The following ZNF48 variants were observed in gnomAD, a reference collection of about 807,000 sequenced individuals.
ZNF48 encodes the protein zinc finger protein 553.
A neutral mutation model predicts 40.0 loss-of-function variants in ZNF48; 20 were observed. That is an observed-to-expected ratio of 0.50 (90% confidence interval 0.35 to 0.73). The LOEUF (loss-of-function observed/expected upper bound fraction) is 0.73. Ranked by LOEUF, ZNF48 falls within the 30% of genes least tolerant of loss-of-function variation. The pLI, the probability that ZNF48 is intolerant of heterozygous loss-of-function variation, is 0.01. For missense variants in ZNF48, 726 were observed against 851.9 expected, an observed-to-expected ratio of 0.85 and a Z score of 1.84; for synonymous variants, 298 against 329.7, an observed-to-expected ratio of 0.90 and a Z score of 1.04.
upstream of ZNF48, among the ~76,000 whole-genome samples, chr16:30,390,946 A>G (rs557942048): frequency 2.0e-5 from 3 of 149,804 alleles, no homozygotes; most frequent in Non-Finnish European, 4.4e-5. Context: ...TCAATGTGTT[A>G]GCCAGGATGG....
Position 30,397,369 on chromosome 16 carries a change from T to C in ZNF48, c.119T>C (p.Phe40Ser), listed in dbSNP as rs1277972903. The change falls in exon 3 of 3, where the codon TTT becomes TCT. Residue 40 changes from phenylalanine (F) to serine (S), a missense_variant. Phe to Ser is a radical substitution (Grantham distance 155). Around this residue, in one of 5 missense-constraint regions of ZNF48, gnomAD observed 151 missense variants for 162.3 expected, o/e 0.93. Coordinates refer to ENST00000613509, the MANE Select transcript of ZNF48 (RefSeq NM_001214909.2). This position sits in a 1 kb window ranked among gnomAD's most constrained non-coding sequence, Gnocchi z 4.1. ...SENVISQPNEFEHTPQEDDLG... is the reference protein window; with the variant it reads ...SENVISQPNESEHTPQEDDLG... ...AACGTGATTTCTCAGCCGAATGAGT[T>C]TGAACATACCCCACAGGAAGATGAC... 1 of 1,613,830 alleles carries C rather than the reference T, an allele frequency of 6.2e-7. No homozygotes were observed. The highest frequency in any genetic ancestry group is 8.5e-7 in the Non-Finnish European group (1 of 1,179,952).
At position 30,398,906 on chromosome 16, in the gene ZNF48, C is replaced by T. The variant is rs752749013; in HGVS notation, c.1656C>T (p.Phe552=). The change falls in exon 3 of 3, where the codon TTC becomes TTT. Residue 552 remains phenylalanine (F), a synonymous_variant. Transcript: ENST00000613509. This position sits in a 1 kb window ranked among gnomAD's most constrained non-coding sequence, Gnocchi z 6.6. ...PHVCGFCGKE[F]PRSSDLVKHR... ...TGTGTGGCTTCTGTGGGAAGGAGTT[C>T]CCCCGGAGCTCAGATCTGGTCAAAC... is the stretch of plus-strand genomic sequence containing the variant. The T allele has an allele frequency of 8.1e-6, 13 of 1,613,550 alleles. No homozygotes were observed. The highest frequency in any genetic ancestry group is 1.1e-5 in the Non-Finnish European group (13 of 1,179,876).
In ZNF48 at chr16:30,381,732, A is replaced by G. The variant is rs2049851663; in HGVS notation, c.-16+3322A>G. On this transcript the variant is annotated intron_variant, in intron 1 of 2. Coordinates refer to the ZNF48 transcript ENST00000528032. This position sits in a 1 kb window ranked among gnomAD's most constrained non-coding sequence, Gnocchi z 4.3. ...AGGGAGTCGCCACTGTGAAAGGCTG[A>G]GCCTCTGTCCCCTTTCCTCTTCCTC... 4.3e-6 allele frequency: 7 copies of G among 1,612,218 alleles called. No individual in the cohort carries two copies. The South Asian group carries it at 6.6e-5, about 15-fold the overall frequency.
chr16:30,386,280 A>T (rs1487011324), intron 1 of ZNF48, among the ~76,000 whole-genome samples: 1 of 152,110 alleles, frequency 6.6e-6, no homozygotes, highest in Non-Finnish European at 1.5e-5. Context: ...CCCTGTCTCA[A>T]AAAAAATACA....
In ZNF48 at chr16:30,397,406, GGAA is replaced by G. The variant is rs1401671352; in HGVS notation, c.162_164del (p.Glu54del). On this transcript the variant is annotated inframe_deletion, in exon 3 of 3. Coordinates refer to ENST00000613509, the MANE Select transcript of ZNF48 (RefSeq NM_001214909.2). This position sits in a 1 kb window ranked among gnomAD's most constrained non-coding sequence, Gnocchi z 4.1. ...CACAGGAAGATGACTTGGGGTTCAA[GGAA>G]GAAGATTTGGCTCCAGATCATGAAG... The G allele has an allele frequency of 6.2e-7, 1 of 1,613,994 alleles. No homozygotes were observed. The highest frequency in any genetic ancestry group is 8.5e-7 in the Non-Finnish European group (1 of 1,180,038).
chr16:30,398,660 T>C lies in ZNF48; in HGVS notation c.1410T>C (p.His470=). The change falls in exon 3 of 3, where the codon CAT becomes CAC. Residue 470 remains histidine (H), a synonymous_variant. Coordinates refer to ENST00000613509, the MANE Select transcript of ZNF48 (RefSeq NM_001214909.2). The surrounding 1 kb of genome is among the most constrained non-coding windows in gnomAD (Gnocchi z 6.6). ...FRRSSDLVKH[H]RVHTGEKPYL... Reference sequence around the variant, plus strand: ...GAAGCTCTGACCTGGTGAAACACCATCGTGTGCACACAGGGGAGAAACCCT... The same window carrying C: ...GAAGCTCTGACCTGGTGAAACACCACCGTGTGCACACAGGGGAGAAACCCT... The C allele has an allele frequency of 6.2e-7, 1 of 1,606,818 alleles. No individual in the cohort carries two copies. Among genetic ancestry groups the C allele is most frequent in the East Asian group, 2.3e-5 (1 of 44,198 alleles).
chr16:30,381,392 G>A lies in ZNF48; in HGVS notation c.-16+2982G>A. ...GGCAGCAGTGGACTCGGGAGTCCTG[G>A]ATGTTCTTCCGGTTCAGGCCACTCT... On this transcript the variant is annotated intron_variant, in intron 1 of 2. Coordinates refer to the ZNF48 transcript ENST00000528032. The surrounding 1 kb of genome is among the most constrained non-coding windows in gnomAD (Gnocchi z 4.3). 6.2e-7 allele frequency: 1 copy of A among 1,613,762 alleles called. No individual in the cohort carries two copies. Among genetic ancestry groups the A allele is most frequent in the Non-Finnish European group, 8.5e-7 (1 of 1,179,896 alleles).
chr16:30,396,670 A>G (rs1184709925), intron 2 of ZNF48, among the ~76,000 whole-genome samples: 1 of 150,420 alleles, frequency 6.6e-6, no homozygotes, highest in Non-Finnish European at 1.5e-5. Flanking sequence ...GACCTTAGTT[A>G]GACATCACGC....
chr16:30,395,726 C>T lies in ZNF48; in HGVS notation c.-15-54C>T. 1.5e-6 allele frequency: 2 copies of T among 1,304,890 alleles called. No homozygotes were observed. The highest frequency in any genetic ancestry group is 9.8e-7 in the Non-Finnish European group (1 of 1,016,096). The allele number at this position is 1,304,890 out of a possible 1,614,324, so 80.8% of individuals were successfully genotyped here. On this transcript the variant is annotated intron_variant, in intron 1 of 2. Coordinates refer to ENST00000613509, the MANE Select transcript of ZNF48 (RefSeq NM_001214909.2). This position sits in a 1 kb window ranked among gnomAD's most constrained non-coding sequence, Gnocchi z 5.9. ...CCGGCAGAGGGCAGCGGCAGGGCGCCGCGGGCCACACATGGCTGCGTGACC... is the reference window on the plus strand; with the variant it reads ...CCGGCAGAGGGCAGCGGCAGGGCGCTGCGGGCCACACATGGCTGCGTGACC...
At chr16:30,392,450 C>G (rs1390031848), upstream of ZNF48, among the ~76,000 whole-genome samples, 1 of 152,176 alleles carries the variant, frequency 6.6e-6, no homozygotes, top group Non-Finnish European at 1.5e-5. Flanking sequence ...CCATGCCTGG[C>G]CCATATTAGG....
chr16:30,382,597 G>C lies in ZNF48; in HGVS notation c.-16+4187G>C. 6.4e-7 allele frequency: 1 copy of C among 1,558,522 alleles called. No homozygotes were observed. The highest frequency in any genetic ancestry group is 8.7e-7 in the Non-Finnish European group (1 of 1,151,030). ...TCTGGTGGGGCAGGAAGCTGAGTGCGGCTAACAAGGGGGCGGGCAGAAGAG... is the reference window on the plus strand; with the variant it reads ...TCTGGTGGGGCAGGAAGCTGAGTGCCGCTAACAAGGGGGCGGGCAGAAGAG... On this transcript the variant is annotated intron_variant, in intron 1 of 2. Transcript: ENST00000528032. This position sits in a 1 kb window ranked among gnomAD's most constrained non-coding sequence, Gnocchi z 4.8.
At chr16:30,378,477 A>G in intron 1 of ZNF48, 1 of 1,577,864 alleles carries the variant, frequency 6.3e-7, no homozygotes, top group Non-Finnish European at 8.6e-7. Context: ...GCTCTGCTGC[A>G]TTTGGGCCTG....
Position 30,399,063 on chromosome 16 carries a change from A to AG in ZNF48, c.1816dup (p.Ala606GlyfsTer64), listed in dbSNP as rs756995359. On this transcript the variant is annotated frameshift_variant, in exon 3 of 3. Transcript: ENST00000613509. LOFTEE classifies it high-confidence loss of function. ...GACGCCCTTTGGGATAGGGGATGGTAGGGCAAGGCCCCTCAAGCAGGAGGC... is the reference window on the plus strand; with the variant it reads ...GACGCCCTTTGGGATAGGGGATGGTAGGGGCAAGGCCCCTCAAGCAGGAGGC... 1 of 1,608,396 alleles carries AG rather than the reference A, an allele frequency of 6.2e-7. No individual in the cohort carries two copies. The highest frequency in any genetic ancestry group is 8.5e-7 in the Non-Finnish European group (1 of 1,176,822).
upstream of ZNF48, among the ~76,000 whole-genome samples, chr16:30,391,276 G>A (rs1468924786): frequency 6.6e-6 from 1 of 151,954 alleles, no homozygotes; most frequent in Admixed American, 6.6e-5. Context: ...TGAAACCTCT[G>A]CCTCCCGGGT....
upstream of ZNF48, chr16:30,394,592 T>G (rs1013988924): frequency 2.0e-5 from 3 of 152,688 alleles, no homozygotes; most frequent in African/African-American, 7.2e-5. Context: ...TCTCTTTCTC[T>G]TTGTCTCTGC....
chr16:30,378,319 G>T (rs1469211882), exon 1 of ZNF48: 7 of 1,036,690 alleles, frequency 6.8e-6, no homozygotes, highest in Admixed American at 5.8e-5. Flanking sequence ...CCCCTAGCCC[G>T]CGCGAGGGCG....
chr16:30,391,501 CTTTTT>C (rs1365976705), upstream of ZNF48, among the ~76,000 whole-genome samples: 1 of 143,352 alleles, frequency 7.0e-6, no homozygotes, highest in Admixed American at 7.0e-5. Context: ...TTTTTCTTTT[CTTTTT>C]TTTTTTTTAA....
rs996186924 is a variant in ZNF48 at position 30,397,431 on chromosome 16, G to A, written c.181G>A (p.Glu61Lys). 7 of 1,614,018 alleles carry A rather than the reference G, an allele frequency of 4.3e-6. No individual in the cohort carries two copies. In the Admixed American group the frequency reaches 8.3e-5, roughly 19 times the overall value. Residue 61 changes from glutamate (E) to lysine (K), a missense_variant, in exon 3 of 3, where the codon GAA (glutamate) becomes AAA (lysine). Around this residue, in one of 5 missense-constraint regions of ZNF48, gnomAD observed 151 missense variants for 162.3 expected, o/e 0.93. Transcript: ENST00000613509. The surrounding 1 kb of genome is among the most constrained non-coding windows in gnomAD (Gnocchi z 4.1). ...GGAAGAAGATTTGGCTCCAGATCAT[G>A]AAGTAGGAAATGCCTCTCTCAAACC... ...FKEEDLAPDH[E>K]VGNASLKPEG...
At chr16:30,380,724 C>A in intron 1 of ZNF48, 1 of 201,582 alleles carries the variant, frequency 5.0e-6, no homozygotes, top group Non-Finnish European at 1.0e-5. Flanking sequence ...GAGCTCTGAT[C>A]TTGCCACTGT....
Sources: allele counts gnomAD v4.1 joint callset (sites outside exome capture counted in the v4.1 genomes callset), GRCh38; gene constraint gnomAD v4.1.1; regional missense constraint gnomAD v4.1.1; non-coding constraint Gnocchi (gnomAD v3.1); transcripts MANE v1.5; gene names NCBI Gene and HGNC (gene_info 2026-07-23, HGNC 2026-07-21).